The following GNAQ variants were observed in gnomAD, a reference collection of about 807,000 sequenced individuals.
The protein encoded by GNAQ is guanine nucleotide-binding protein G(q) subunit alpha.
GNAQ carries 8 observed loss-of-function variants against 43.9 expected under a neutral mutation model. The ratio of observed to expected loss-of-function variants is 0.18; its 90% confidence interval spans 0.11 to 0.33. GNAQ has a LOEUF of 0.33. GNAQ is among the 10% of genes least tolerant of loss of function. The pLI, the probability that GNAQ is intolerant of heterozygous loss-of-function variation, is 1.00. For synonymous variants in GNAQ, 155 were observed against 170.7 expected, an observed-to-expected ratio of 0.91 and a Z score of 0.71; for missense variants, 158 against 450.8, an observed-to-expected ratio of 0.35 and a Z score of 5.88.
At chr9:77,916,918 C>T (rs1828916842) in intron 2 of GNAQ, among the ~76,000 whole-genome samples, 1 of 152,126 alleles carries the variant, frequency 6.6e-6, no homozygotes, top group African/African-American at 2.4e-5. Context: ...CCTATCAATA[C>T]TTTGAAATTG....
intron 1 of GNAQ, among the ~76,000 whole-genome samples, chr9:78,007,458 C>T (rs1204927228): frequency 6.6e-6 from 1 of 151,596 alleles, no homozygotes; most frequent in Non-Finnish European, 1.5e-5. Flanking sequence ...AAAAATCGAA[C>T]AGCCTCTGCA....
chr9:77,905,905 G>A (rs1828700382), intron 2 of GNAQ, among the ~76,000 whole-genome samples: 1 of 152,092 alleles, frequency 6.6e-6, no homozygotes, highest in Non-Finnish European at 1.5e-5. Context: ...ACAGGAAGGG[G>A]AACATCACAA....
At chr9:77,918,253 T>C (rs1050359072) in intron 2 of GNAQ, among the ~76,000 whole-genome samples, 29 of 152,194 alleles carry the variant, frequency 1.9e-4, no homozygotes, top group African/African-American at 6.8e-4. Context: ...TGCTGGACAA[T>C]ATTAGAAAGT....
chr9:77,801,953 G>C (rs1339257035), intron 3 of GNAQ, among the ~76,000 whole-genome samples: 2 of 152,062 alleles, frequency 1.3e-5, no homozygotes, highest in African/African-American at 4.8e-5. Context: ...GATCACTTGA[G>C]GCCAGGAGTT....
chr9:77,789,870 A>G (rs1826540399), intron 5 of GNAQ, among the ~76,000 whole-genome samples: 1 of 152,144 alleles, frequency 6.6e-6, no homozygotes, highest in Non-Finnish European at 1.5e-5. Context: ...CTCTGGTTCA[A>G]ACTCATAATT....
intron 2 of GNAQ, among the ~76,000 whole-genome samples, chr9:77,899,085 C>T (rs756769477): frequency 1.3e-5 from 2 of 152,018 alleles, no homozygotes; most frequent in Non-Finnish European, 2.9e-5. Flanking sequence ...CCAAATCTCA[C>T]TCACCCGTTT....
chr9:77,788,793 C>CCTAT (rs776854035), intron 5 of GNAQ, among the ~76,000 whole-genome samples: 1 of 152,168 alleles, frequency 6.6e-6, no homozygotes, highest in Non-Finnish European at 1.5e-5. Flanking sequence ...ACGGTATAAG[C>CCTAT]CTATCACACG....
At chr9:77,765,509 A>G (rs1335332348) in intron 5 of GNAQ, among the ~76,000 whole-genome samples, 2 of 152,234 alleles carry the variant, frequency 1.3e-5, no homozygotes, top group Non-Finnish European at 2.9e-5. Flanking sequence ...CAACGAACAC[A>G]TGAAAAGCCG....
chr9:77,967,410 C>T lies in GNAQ; in HGVS notation c.137-45065G>A, dbSNP rs564358023. ...AGGTTCTGCTCTTGTTGGTAGATTT[C>T]GGGTCCAGCTTTCTCTGTGCTCAAA... On this transcript the variant is annotated intron_variant, in intron 1 of 6. Coordinates refer to ENST00000286548, the MANE Select transcript of GNAQ (RefSeq NM_002072.5). 5.9e-5 allele frequency among the ~76,000 whole-genome samples: 9 copies of T among 152,276 alleles called. No individual in the cohort carries two copies. The South Asian group carries it at 1.0e-3, about 18-fold the overall frequency.
At chr9:77,997,489 T>A (rs981367558) in intron 1 of GNAQ, among the ~76,000 whole-genome samples, 1 of 152,162 alleles carries the variant, frequency 6.6e-6, no homozygotes, top group Non-Finnish European at 1.5e-5. Context: ...TTTTTCCCCA[T>A]CAGGGCTTGG....
At chr9:77,924,487 T>C (rs1322550722) in intron 1 of GNAQ, among the ~76,000 whole-genome samples, 1 of 152,242 alleles carries the variant, frequency 6.6e-6, no homozygotes, top group Non-Finnish European at 1.5e-5. Context: ...GTGAGGTTAA[T>C]ATCAGGCAAC....
At chr9:77,942,043 C>T (rs953929234) in intron 1 of GNAQ, among the ~76,000 whole-genome samples, 1 of 151,460 alleles carries the variant, frequency 6.6e-6, no homozygotes, top group African/African-American at 2.4e-5. Context: ...TTCTCTTTTT[C>T]CTATTGCTAA....
chr9:78,014,385 C>T (rs1823811502), intron 1 of GNAQ, among the ~76,000 whole-genome samples: 1 of 152,078 alleles, frequency 6.6e-6, no homozygotes, highest in South Asian at 2.1e-4. Flanking sequence ...AACATTTTGG[C>T]AGGCCTAGAC....
intron 2 of GNAQ, among the ~76,000 whole-genome samples, chr9:77,853,210 G>T (rs1306426023): frequency 2.0e-5 from 3 of 152,052 alleles, no homozygotes; most frequent in Non-Finnish European, 4.4e-5. Context: ...AGAATTTGTT[G>T]GCAGCTGTCA....
chr9:77,991,005 C>T (rs1366692461), intron 1 of GNAQ, among the ~76,000 whole-genome samples: 1 of 152,206 alleles, frequency 6.6e-6, no homozygotes, highest in Admixed American at 6.5e-5. Context: ...AATAGAGTCA[C>T]TTTAACTTCG....
chr9:77,894,350 A>C, intron 2 of GNAQ, among the ~76,000 whole-genome samples: 1 of 138,996 alleles, frequency 7.2e-6, no homozygotes, highest in East Asian at 2.0e-4. Flanking sequence ...ATATATATTT[A>C]ATAGAAAATA....
At chr9:77,782,439 A>C (rs1440575999) in intron 5 of GNAQ, among the ~76,000 whole-genome samples, 1 of 152,176 alleles carries the variant, frequency 6.6e-6, no homozygotes, top group East Asian at 1.9e-4. Context: ...TAAAAACCAC[A>C]ATGAAGTACT....
chr9:77,811,351 AT>A (rs967257806), intron 3 of GNAQ, among the ~76,000 whole-genome samples: 35 of 151,800 alleles, frequency 2.3e-4, no homozygotes, highest in African/African-American at 8.0e-4. Flanking sequence ...ATATAAAGAT[AT>A]AAAAATATAA....
At chr9:77,884,794 T>C (rs1828274922) in intron 2 of GNAQ, among the ~76,000 whole-genome samples, 1 of 152,270 alleles carries the variant, frequency 6.6e-6, no homozygotes, top group Non-Finnish European at 1.5e-5. Context: ...TGTCTCATTT[T>C]ACCTGGGAGA....
Sources: gnomAD v4.1 joint callset for allele counts (sites outside exome capture counted in the v4.1 genomes callset) on GRCh38, gnomAD v4.1.1 for gene constraint, MANE v1.5 for transcripts, NCBI Gene and HGNC (gene_info 2026-07-23, HGNC 2026-07-21) for gene names.